ARL13B: variants seen among roughly 807,000 people sequenced by gnomAD.
ARL13B encodes the protein ARF like GTPase 13B, also known as ADP-ribosylation factor-like protein 13B.
In ARL13B, 36 loss-of-function variants were observed where a neutral mutation model predicts 56.1. The observed-to-expected ratio is 0.64, with a 90% confidence interval of 0.49 to 0.85. ARL13B has a LOEUF of 0.85. Ranked by LOEUF, ARL13B falls within the 40% of genes least tolerant of loss-of-function variation. ARL13B has a pLI of 0.00. For missense variants in ARL13B, 519 were observed against 507.1 expected, an observed-to-expected ratio of 1.02 and a Z score of -0.23; for synonymous variants, 178 against 171.1, an observed-to-expected ratio of 1.04 and a Z score of -0.32.
chr3:94,036,494 A>G (rs2076770055), intron 4 of ARL13B, 58 bp from the exon 5 acceptor site: 3 of 1,547,706 alleles, frequency 1.9e-6, no homozygotes, highest in Non-Finnish European at 2.7e-6. Context: ...TTAATGGTTT[A>G]TGAATAGATT....
At chr3:94,007,568 TGAG>T (rs2076155135) in intron 3 of ARL13B, among the ~76,000 whole-genome samples, 1 of 151,698 alleles carries the variant, frequency 6.6e-6, no homozygotes, top group African/African-American at 2.4e-5. Flanking sequence ...CAAGAGAAAA[TGAG>T]GAAGATGCAG....
Position 94,036,739 on chromosome 3 carries a change from A to C in ARL13B, c.674A>C (p.Lys225Thr). The C allele has an allele frequency of 6.2e-7, 1 of 1,611,660 alleles. No individual in the cohort carries two copies. The highest frequency in any genetic ancestry group is 2.2e-5 in the East Asian group (1 of 44,646). ...EKQERAERVRKLREERKQNEQ... is the reference protein window; with the variant it reads ...EKQERAERVRTLREERKQNEQ... ...CAAGAAAGAGCTGAACGAGTGCGAA[A>C]ATTACGAGAAGAAAGGTAAGTAGAT... Residue 225 changes from lysine to threonine, a missense_variant, in exon 5 of 10, where the codon AAA becomes ACA. Transcript: ENST00000394222.
chr3:93,983,428 G>T (rs1049398514), intron 1 of ARL13B, among the ~76,000 whole-genome samples: 1 of 152,206 alleles, frequency 6.6e-6, no homozygotes, highest in South Asian at 2.1e-4. Flanking sequence ...ATGAATCAAT[G>T]AATGTGGAAA....
intron 3 of ARL13B, among the ~76,000 whole-genome samples, chr3:94,026,221 G>A (rs769266105): frequency 1.3e-4 from 20 of 152,098 alleles, no homozygotes; most frequent in Non-Finnish European, 2.2e-4. Flanking sequence ...GGGTTTCACC[G>A]TGTGAGCCAG....
chr3:94,003,247 C>T (rs1488383948), intron 2 of ARL13B, among the ~76,000 whole-genome samples: 1 of 152,128 alleles, frequency 6.6e-6, no homozygotes, highest in Admixed American at 6.5e-5. Context: ...CTTCTAAACT[C>T]TTCTATTCTC....
At chr3:94,035,278 G>T in intron 3 of ARL13B, 53 bp from the exon 4 acceptor site, 563 of 942,736 alleles carry the variant, frequency 6.0e-4, no homozygotes, top group Non-Finnish European at 8.4e-4. Context: ...ATATCTTTAA[G>T]TTTCCATCCA....
intron 3 of ARL13B, among the ~76,000 whole-genome samples, chr3:94,026,150 G>T (rs1331026294): frequency 1.3e-5 from 2 of 151,990 alleles, no homozygotes; most frequent in Non-Finnish European, 2.9e-5. Context: ...CTCCAGAGTA[G>T]CTGGGACTAC....
At chr3:93,984,714 T>A (rs892379491) in intron 1 of ARL13B, among the ~76,000 whole-genome samples, 14 of 152,240 alleles carry the variant, frequency 9.2e-5, no homozygotes, top group Non-Finnish European at 1.5e-4. Flanking sequence ...TTTTTAAATA[T>A]AAACATTTAA....
chr3:94,003,042 T>A (rs2076078925), intron 2 of ARL13B, among the ~76,000 whole-genome samples: 2 of 152,210 alleles, frequency 1.3e-5, no homozygotes, highest in Admixed American at 1.3e-4. Flanking sequence ...CTTCTTTATG[T>A]TTTCGTATAT....
intron 3 of ARL13B, among the ~76,000 whole-genome samples, chr3:94,031,931 G>A (rs1364264057): frequency 6.6e-6 from 1 of 152,000 alleles, no homozygotes; most frequent in Non-Finnish European, 1.5e-5. Flanking sequence ...ATTAACTCAG[G>A]GTGCATTAAA....
intron 3 of ARL13B, among the ~76,000 whole-genome samples, chr3:94,024,207 G>T (rs1576002252): frequency 6.6e-6 from 1 of 152,210 alleles, no homozygotes. Flanking sequence ...AGCCTCAAGG[G>T]ATCCTTCCAC....
chr3:94,044,914 G>A lies in ARL13B; in HGVS notation c.1024+1674G>A, dbSNP rs369365608. 2.3e-4 allele frequency among the ~76,000 whole-genome samples: 35 copies of A among 152,104 alleles called. 1 individual carries two copies. In the East Asian group the frequency reaches 6.0e-3, roughly 26 times the overall value. On this transcript the variant is annotated intron_variant, in intron 7 of 9. Transcript: ENST00000394222. ...GAGGTGAGGAGCGCCTCTGCCCGCC[G>A]CCGCATCTGGGAGGTGTACCCAACA...
intron 5 of ARL13B, among the ~76,000 whole-genome samples, chr3:94,038,121 AAT>A (rs992514254): frequency 2.2e-4 from 33 of 152,240 alleles, no homozygotes; most frequent in Non-Finnish European, 2.9e-4. Context: ...AAGTAAAAAT[AAT>A]ATATTAATAC....
intron 7 of ARL13B, among the ~76,000 whole-genome samples, chr3:94,046,734 C>T (rs895767107): frequency 1.3e-5 from 2 of 152,174 alleles, no homozygotes; most frequent in Non-Finnish European, 2.9e-5. Flanking sequence ...ACATCAGCAT[C>T]ATTTCCTTTA....
rs764876354 is a variant in ARL13B at position 94,014,996 on chromosome 3, ACT to A, written c.380+11095_380+11096del. ...ATTTTTATCTCCTTTGTAATGGTAG[ACT>A]CTCTCTTAAGTAGACTAAACCTTCT... is the stretch of plus-strand genomic sequence containing the variant. On this transcript the variant is annotated intron_variant, in intron 3 of 9. Coordinates refer to ENST00000394222, the MANE Select transcript of ARL13B (RefSeq NM_001174150.2). The A allele has an allele frequency of 2.0e-5, 32 of 1,613,740 alleles. 2 individuals carry two copies. In the South Asian group the frequency reaches 3.4e-4, roughly 17 times the overall value.
chr3:93,983,823 T>C lies in ARL13B; in HGVS notation c.59+3341T>C, dbSNP rs147363821. 6.2e-3 allele frequency among the ~76,000 whole-genome samples: 943 copies of C among 152,338 alleles called. 13 individuals carry two copies. The highest frequency in any genetic ancestry group is 0.022 in the African/African-American group (909 of 41,578). ...AATTTTAAGTGTTTGTCGTAGCTAC[T>C]GTTTCTCTGTAGTACAATTGACACT... On this transcript the variant is annotated intron_variant, in intron 1 of 9. Coordinates refer to ENST00000394222, the MANE Select transcript of ARL13B (RefSeq NM_001174150.2).
At chr3:94,021,474 T>C (rs114526304) in intron 3 of ARL13B, among the ~76,000 whole-genome samples, 2,447 of 152,100 alleles carry the variant, frequency 0.016, 71 homozygotes, top group African/African-American at 0.056. Context: ...GGATTACAGG[T>C]ACAAACCACC....
chr3:94,004,244 G>A lies in ARL13B; in HGVS notation c.380+336G>A, dbSNP rs544003136. On this transcript the variant is annotated intron_variant, in intron 3 of 9. Transcript: ENST00000394222. ...ATATCTTTTAATTTTTTCTCTTTTA[G>A]TAACTTGTATTTTGCTTTTGTCCTT... Among the ~76,000 whole-genome samples, 24 of 152,086 alleles carry A rather than the reference G, an allele frequency of 1.6e-4. No individual in the cohort carries two copies. In the South Asian group the frequency reaches 4.8e-3, roughly 30 times the overall value.
At chr3:93,990,042 T>A (rs2075841879) in intron 1 of ARL13B, among the ~76,000 whole-genome samples, 1 of 152,190 alleles carries the variant, frequency 6.6e-6, no homozygotes. Context: ...TCTCCCTCTG[T>A]CGCCCAGGCT....
Sources: allele counts gnomAD v4.1 joint callset (sites outside exome capture counted in the v4.1 genomes callset), GRCh38; gene constraint gnomAD v4.1.1; transcripts MANE v1.5; gene names NCBI Gene and HGNC (gene_info 2026-07-23, HGNC 2026-07-21).